The following NCOR1 variants were observed in gnomAD, a reference collection of about 807,000 sequenced individuals.
NCOR1 encodes the protein protein phosphatase 1, regulatory subunit 109.
A neutral mutation model predicts 288.1 loss-of-function variants in NCOR1; 63 were observed. The ratio of observed to expected loss-of-function variants is 0.22; its 90% confidence interval spans 0.18 to 0.27. The LOEUF (loss-of-function observed/expected upper bound fraction) is 0.27, where lower values mean the gene tolerates loss of function less well. Among genes scored for constraint, NCOR1 ranks in the 10% least tolerant of loss-of-function variants. The pLI is 1.00. For synonymous variants in NCOR1, 1,007 were observed against 1,065.9 expected (o/e 0.94, Z 1.08); for missense variants, 2,397 against 3,019.2 (o/e 0.79, Z 4.83).
chr17:16,100,026 T>C (rs1259592647), intron 20 of NCOR1, among the ~76,000 whole-genome samples: 4 of 152,136 alleles, frequency 2.6e-5, no homozygotes, highest in African/African-American at 4.8e-5. Context: ...AAGATAAACT[T>C]TGAAGAGAAT....
intron 40 of NCOR1, among the ~76,000 whole-genome samples, chr17:16,050,970 C>CTACA (rs1249884918): frequency 6.6e-6 from 1 of 152,104 alleles, no homozygotes; most frequent in Non-Finnish European, 1.5e-5. Flanking sequence ...GTAGCTGGGA[C>CTACA]TACAGGTGCA....
At chr17:16,202,309 G>A (rs1173077336) in intron 1 of NCOR1, among the ~76,000 whole-genome samples, 13 of 150,502 alleles carry the variant, frequency 8.6e-5, no homozygotes, top group Non-Finnish European at 1.6e-4. Flanking sequence ...GCTGAGACAC[G>A]AGAATCACTT....
chr17:16,125,023 A>G (rs1320555597), intron 15 of NCOR1, among the ~76,000 whole-genome samples: 1 of 152,256 alleles, frequency 6.6e-6, no homozygotes, highest in African/African-American at 2.4e-5. Context: ...TTACTGTAAT[A>G]TTCTATTCCT....
chr17:16,055,306 C>T (rs541716607), intron 40 of NCOR1, among the ~76,000 whole-genome samples: 1 of 152,302 alleles, frequency 6.6e-6, no homozygotes, highest in South Asian at 2.1e-4. Flanking sequence ...TGGATAAAGA[C>T]AATGTGGTAC....
intron 18 of NCOR1, among the ~76,000 whole-genome samples, chr17:16,114,078 G>C (rs2070954368): frequency 6.9e-6 from 1 of 145,792 alleles, no homozygotes. Context: ...ACATGGCTGG[G>C]GAGGCTTCAC....
chr17:16,160,061 ACCTCAGGTGATCCACCTG>A (rs1271149369), intron 5 of NCOR1, among the ~76,000 whole-genome samples: 1 of 151,974 alleles, frequency 6.6e-6, no homozygotes, highest in Non-Finnish European at 1.5e-5. Flanking sequence ...CGAACTCCTG[ACCTCAGGTGATCCACCTG>A]CCTTGGCCTC....
intron 21 of NCOR1, among the ~76,000 whole-genome samples, chr17:16,092,647 TTATATATATATATATATATA>T (rs10592611): frequency 3.1e-5 from 1 of 32,134 alleles, no homozygotes; most frequent in Non-Finnish European, 5.3e-5. Flanking sequence ...TCAGATCCAT[TTATATATATATATATATATA>T]TATATATATA....
At chr17:16,155,949 C>T (rs749686143) in intron 6 of NCOR1, among the ~76,000 whole-genome samples, 33 of 152,280 alleles carry the variant, frequency 2.2e-4, no homozygotes, top group Middle Eastern at 3.4e-3. Context: ...CGGGAGCTCC[C>T]TGTTACAATT....
intron 40 of NCOR1, among the ~76,000 whole-genome samples, chr17:16,054,685 T>C (rs2059712620): frequency 6.6e-6 from 1 of 152,014 alleles, no homozygotes; most frequent in Non-Finnish European, 1.5e-5. Context: ...ATCCCACCAC[T>C]TTGGGAAGCT....
chr17:16,188,815 A>G (rs1349808130), intron 2 of NCOR1, among the ~76,000 whole-genome samples: 4 of 151,858 alleles, frequency 2.6e-5, no homozygotes, highest in African/African-American at 7.3e-5. Flanking sequence ...CCTTGAGGTC[A>G]GGATTTCGAG....
At chr17:16,159,724 T>C (rs888837497) in intron 5 of NCOR1, among the ~76,000 whole-genome samples, 2 of 152,086 alleles carry the variant, frequency 1.3e-5, no homozygotes, top group Admixed American at 1.3e-4. Flanking sequence ...TATAGACTAT[T>C]GGTGTGTGCA....
At chr17:16,199,151 A>T (rs1034500885) in intron 1 of NCOR1, among the ~76,000 whole-genome samples, 2 of 140,682 alleles carry the variant, frequency 1.4e-5, no homozygotes, top group East Asian at 2.0e-4. Flanking sequence ...TTATTATCTC[A>T]AAAAAAAAAA....
At chr17:16,152,090 A>AC in intron 7 of NCOR1, 92 bp from the exon 8 acceptor site, 2 of 737,314 alleles carry the variant, frequency 2.7e-6, no homozygotes, top group South Asian at 4.6e-5. Context: ...GCACAGGTAA[A>AC]GTACTAATGG....
At chr17:16,135,939 C>T (rs536692529) in intron 14 of NCOR1, among the ~76,000 whole-genome samples, 4 of 152,274 alleles carry the variant, frequency 2.6e-5, no homozygotes, top group Non-Finnish European at 5.9e-5. Flanking sequence ...GCTAATGAAT[C>T]GTTGCAGTGT....
chr17:16,159,238 A>G (rs2080326541), intron 5 of NCOR1, among the ~76,000 whole-genome samples: 1 of 151,722 alleles, frequency 6.6e-6, no homozygotes, highest in Admixed American at 6.6e-5. Context: ...ACATGGAGAA[A>G]CCCCATCTCT....
intron 3 of NCOR1, among the ~76,000 whole-genome samples, chr17:16,180,363 T>A (rs1044326127): frequency 2.6e-5 from 4 of 152,108 alleles, no homozygotes; most frequent in African/African-American, 9.7e-5. Context: ...GAAAACAGTA[T>A]GGAAGGCCCC....
chr17:16,199,451 A>T (rs557865491), intron 1 of NCOR1, among the ~76,000 whole-genome samples: 1 of 152,284 alleles, frequency 6.6e-6, no homozygotes, highest in East Asian at 1.9e-4. Flanking sequence ...CTAAATGTAC[A>T]AAAGATACAA....
At chr17:16,200,090 A>AT (rs1476956996) in intron 1 of NCOR1, among the ~76,000 whole-genome samples, 5 of 152,054 alleles carry the variant, frequency 3.3e-5, no homozygotes, top group African/African-American at 1.2e-4. Flanking sequence ...AAAAAAAGCA[A>AT]TTTTTCCTCT....
chr17:16,101,525 A>G lies in NCOR1; in HGVS notation c.2415T>C (p.Ala805=), dbSNP rs748220585. 3.1e-6 allele frequency: 5 copies of G among 1,614,074 alleles called. No homozygotes were observed. The Admixed American group carries it at 6.7e-5, about 22-fold the overall frequency. ...GGGGATCACAAACAGAACCCTCTTC[A>G]GCACTGTGCTCCTGCTGATCTACAT... is the stretch of plus-strand genomic sequence containing the variant. ...QMDVDQQEHS[A]EEGSVCDPPP... The change falls in exon 20 of 46, where the codon GCT becomes GCC. Residue 805 remains alanine, a synonymous_variant. Transcript: ENST00000268712.
Sources: allele counts gnomAD v4.1 joint callset (sites outside exome capture counted in the v4.1 genomes callset), GRCh38; gene constraint gnomAD v4.1.1; transcripts MANE v1.5; gene names NCBI Gene and HGNC (gene_info 2026-07-23, HGNC 2026-07-21).